The following SEM1 variants were observed in gnomAD, a reference collection of about 807,000 sequenced individuals.
SEM1 encodes the protein SEM1 26S proteasome subunit.
SEM1 carries 3 observed loss-of-function variants against 12.7 expected under a neutral mutation model. The observed-to-expected ratio is 0.24, with a 90% CI of 0.11 to 0.61. The LOEUF (loss-of-function observed/expected upper bound fraction) is 0.61, where lower values mean the gene tolerates loss of function less well. Among genes scored for constraint, SEM1 ranks in the 20% least tolerant of loss-of-function variants. SEM1 has a pLI of 0.88. For synonymous variants in SEM1, 30 were observed against 27.8 expected, an observed-to-expected ratio of 1.08 and a Z score of -0.25; for missense variants, 59 against 81.3, an observed-to-expected ratio of 0.73 and a Z score of 1.06.
chr7:96,680,311 T>C (rs1563110010), intron 2 of SEM1, among the ~76,000 whole-genome samples: 1 of 152,032 alleles, frequency 6.6e-6, no homozygotes, highest in South Asian at 2.1e-4. Context: ...CTAAGTTGCT[T>C]CTGAGACAAC....
chr7:96,634,861 G>C (rs986462290), intron 2 of SEM1, among the ~76,000 whole-genome samples: 2 of 152,012 alleles, frequency 1.3e-5, no homozygotes, highest in Admixed American at 1.3e-4. Flanking sequence ...TTGTACCCAA[G>C]ATAAAGAACT....
intron 1 of SEM1, among the ~76,000 whole-genome samples, chr7:96,707,895 T>C (rs1310997256): frequency 2.6e-5 from 4 of 152,322 alleles, no homozygotes; most frequent in African/African-American, 7.2e-5. Flanking sequence ...GACCACCTAC[T>C]ATGTATCAGG....
At chr7:96,691,588 T>C (rs976300510) in intron 2 of SEM1, among the ~76,000 whole-genome samples, 1 of 152,216 alleles carries the variant, frequency 6.6e-6, no homozygotes, top group African/African-American at 2.4e-5. Context: ...GTAAACTCCA[T>C]TCTTTACCAT....
At chr7:96,553,634 C>T (rs1023330734) in intron 2 of SEM1, among the ~76,000 whole-genome samples, 44 of 152,164 alleles carry the variant, frequency 2.9e-4, no homozygotes, top group African/African-American at 9.9e-4. Context: ...AGTGTGATGC[C>T]TCCAGCTTTG....
chr7:96,580,062 G>A (rs1387959953), intron 2 of SEM1, among the ~76,000 whole-genome samples: 1 of 149,512 alleles, frequency 6.7e-6, no homozygotes, highest in African/African-American at 2.5e-5. Flanking sequence ...CTGGTGCGCT[G>A]CACCCACTAA....
intron 2 of SEM1, among the ~76,000 whole-genome samples, chr7:96,589,695 A>C (rs78603500): frequency 3.3e-5 from 5 of 152,196 alleles, no homozygotes; most frequent in African/African-American, 7.2e-5. Flanking sequence ...TGAAATTATG[A>C]TTTTGAAAAG....
intron 2 of SEM1, among the ~76,000 whole-genome samples, chr7:96,679,932 C>T (rs373703251): frequency 6.6e-6 from 1 of 152,108 alleles, no homozygotes; most frequent in Non-Finnish European, 1.5e-5. Flanking sequence ...ACCACTTCCA[C>T]GCAGGAAAGC....
At position 96,640,505 on chromosome 7, in the gene SEM1, AT is replaced by A. The variant is rs1808559304; in HGVS notation, c.171-17863del. Reference sequence around the variant, plus strand: ...CCACATACTGTATGATTCCAACTATATGACATTCTGGAAAAGCCAAAGCTAT... The same window carrying A: ...CCACATACTGTATGATTCCAACTATAGACATTCTGGAAAAGCCAAAGCTAT... On this transcript the variant is annotated intron_variant, in intron 2 of 2. Transcript: ENST00000417009. The surrounding 1 kb of genome is among the most constrained non-coding windows in gnomAD (Gnocchi z 4.0). Among the ~76,000 whole-genome samples, 1 of 151,990 alleles carries A rather than the reference AT, an allele frequency of 6.6e-6. No homozygotes were observed. Among genetic ancestry groups the A allele is most frequent in the South Asian group, 2.1e-4 (1 of 4,828 alleles).
chr7:96,612,751 T>G (rs1807578081), intron 2 of SEM1, among the ~76,000 whole-genome samples: 1 of 152,142 alleles, frequency 6.6e-6, no homozygotes, highest in South Asian at 2.1e-4. Flanking sequence ...TTCTCCTGCC[T>G]CAGCCTCCCC....
chr7:96,626,075 T>C (rs542898983), intron 2 of SEM1, among the ~76,000 whole-genome samples: 10 of 152,280 alleles, frequency 6.6e-5, no homozygotes, highest in Admixed American at 5.2e-4. Flanking sequence ...TTTTTGCCTA[T>C]AGTCACCCTG....
chr7:96,621,541 T>G (rs940619), downstream of SEM1: 147,082 of 152,280 alleles, frequency 0.97, 71,229 homozygotes, highest in East Asian at 1. Flanking sequence ...CTGCTTGTGT[T>G]TCTCCAACTT....
chr7:96,511,270 T>C (rs1407863065), intron 2 of SEM1, among the ~76,000 whole-genome samples: 1 of 152,192 alleles, frequency 6.6e-6, no homozygotes, highest in East Asian at 1.9e-4. Flanking sequence ...CCAATTGTTA[T>C]TAATCACCTG....
At chr7:96,512,111 G>A (rs1030085787) in intron 2 of SEM1, among the ~76,000 whole-genome samples, 1 of 151,960 alleles carries the variant, frequency 6.6e-6, no homozygotes, top group Non-Finnish European at 1.5e-5. Flanking sequence ...TGCTCCTGGG[G>A]CACATAACCA....
At chr7:96,602,524 A>G (rs1257207204) in intron 2 of SEM1, among the ~76,000 whole-genome samples, 1 of 152,198 alleles carries the variant, frequency 6.6e-6, no homozygotes, top group Non-Finnish European at 1.5e-5. Context: ...CCTATACTCC[A>G]AAGGCATTCA....
chr7:96,660,439 C>T (rs1788961406), intron 2 of SEM1, among the ~76,000 whole-genome samples: 1 of 151,822 alleles, frequency 6.6e-6, no homozygotes, highest in African/African-American at 2.4e-5. Context: ...TTTTATTGTC[C>T]AATAATTTCA....
intron 2 of SEM1, among the ~76,000 whole-genome samples, chr7:96,589,456 G>A (rs1001672799): frequency 2.0e-5 from 3 of 152,068 alleles, no homozygotes; most frequent in African/African-American, 7.2e-5. Flanking sequence ...TACCCCCGAG[G>A]CTGAAGTGAG....
chr7:96,638,370 A>G (rs1489109879), intron 2 of SEM1, among the ~76,000 whole-genome samples: 1 of 151,982 alleles, frequency 6.6e-6, no homozygotes, highest in Non-Finnish European at 1.5e-5. Context: ...ATGAATGTCT[A>G]TTTGGGATTT....
At chr7:96,507,465 T>G (rs1299981351) in intron 2 of SEM1, among the ~76,000 whole-genome samples, 1 of 152,034 alleles carries the variant, frequency 6.6e-6, no homozygotes, top group Non-Finnish European at 1.5e-5. Flanking sequence ...ATAACCAGTC[T>G]CCAACCTTCT....
chr7:96,581,110 G>A lies in SEM1; in HGVS notation c.171-74412C>T, dbSNP rs965904286. Among the ~76,000 whole-genome samples, 6 of 152,104 alleles carry A rather than the reference G, an allele frequency of 3.9e-5. No individual in the cohort carries two copies. The East Asian group carries it at 5.8e-4, about 15-fold the overall frequency. On this transcript the variant is annotated intron_variant and NMD_transcript_variant, in intron 2 of 3. Coordinates refer to the SEM1 transcript ENST00000466986. ...GGGTTTTTATGGTTTTAGGTCTAAC[G>A]TTTTAAGTCTTTAATCCGTCTTGAA...
Sources: allele counts gnomAD v4.1 joint callset (sites outside exome capture counted in the v4.1 genomes callset), GRCh38; gene constraint gnomAD v4.1.1; non-coding constraint Gnocchi (gnomAD v3.1); transcripts MANE v1.5; gene names NCBI Gene and HGNC (gene_info 2026-07-23, HGNC 2026-07-21).